ACADL: variants seen among roughly 807,000 people sequenced by gnomAD.
The protein encoded by ACADL is long-chain specific acyl-CoA dehydrogenase, mitochondrial.
ACADL carries 60 observed loss-of-function variants against 56.9 expected under a neutral mutation model. The observed-to-expected ratio is 1.05, with a 90% CI of 0.86 to 1.31. The LOEUF (loss-of-function observed/expected upper bound fraction) is 1.31. ACADL is among the 50% of genes most tolerant of loss of function. ACADL has a pLI of 0.00. For missense variants in ACADL, 484 were observed against 525.5 expected, an observed-to-expected ratio of 0.92 and a Z score of 0.77; for synonymous variants, 158 against 179.7, an observed-to-expected ratio of 0.88 and a Z score of 0.97.
intron 4 of ACADL, among the ~76,000 whole-genome samples, chr2:210,210,492 G>A (rs891083241): frequency 3.3e-5 from 5 of 152,142 alleles, no homozygotes; most frequent in Non-Finnish European, 5.9e-5. Context: ...AAATTAGCCA[G>A]GTTTTATACA....
rs1689254470 is a variant in ACADL, at chr2:210,225,268, G to GA, written c.-6dup. On this transcript the variant is annotated 5_prime_UTR_variant, in exon 1 of 11. Transcript: ENST00000233710. ...TCGGAGAAGGCGTGCGGCCATGTCC[G>GA]AAACACAGGGGCGGCGGGGCGACGG... is the stretch of plus-strand genomic sequence containing the variant. The GA allele has an allele frequency of 6.4e-7, 1 of 1,554,426 alleles. No homozygotes were observed. The highest frequency in any genetic ancestry group is 8.6e-7 in the Non-Finnish European group (1 of 1,156,070).
intron 5 of ACADL, 47 bp downstream of exon 5, chr2:210,210,149 T>C (rs369461871): frequency 3.7e-6 from 5 of 1,358,552 alleles, no homozygotes; most frequent in Admixed American, 3.4e-5. Context: ...TTGTTACCCA[T>C]GGCATGACTC....
At chr2:210,202,078 G>GTTAT (rs910100278) in intron 8 of ACADL, among the ~76,000 whole-genome samples, 50 of 151,910 alleles carry the variant, frequency 3.3e-4, no homozygotes, top group African/African-American at 1.2e-3. Flanking sequence ...TTTCTCTATT[G>GTTAT]TTATTTATTT....
intron 2 of ACADL, 145 bp from the exon 3 acceptor site, chr2:210,218,247 T>A: frequency 1.4e-6 from 1 of 720,622 alleles, no homozygotes; most frequent in Non-Finnish European, 2.3e-6. Flanking sequence ...TCTATTTGCC[T>A]CTGACTCTTT....
At chr2:210,214,170 A>AT (rs1364631137) in intron 4 of ACADL, among the ~76,000 whole-genome samples, 1 of 151,982 alleles carries the variant, frequency 6.6e-6, no homozygotes. Context: ...CAATTGCAAC[A>AT]TTTTTTTCTG....
At chr2:210,199,393 C>G (rs1688759222) in intron 8 of ACADL, among the ~76,000 whole-genome samples, 1 of 152,012 alleles carries the variant, frequency 6.6e-6, no homozygotes. Flanking sequence ...AGGGAACTAA[C>G]TTTGAAAGAA....
intron 4 of ACADL, among the ~76,000 whole-genome samples, chr2:210,212,492 G>A (rs989374528): frequency 2.0e-5 from 3 of 152,024 alleles, no homozygotes; most frequent in African/African-American, 4.8e-5. Flanking sequence ...TGTAGAAAGT[G>A]TGGCCCTCCT....
At chr2:210,203,616 C>G (rs1417163299) in intron 7 of ACADL, among the ~76,000 whole-genome samples, 172 bp from the exon 8 acceptor site, 1 of 152,144 alleles carries the variant, frequency 6.6e-6, no homozygotes, top group Non-Finnish European at 1.5e-5. Flanking sequence ...TGACATATCT[C>G]TAATCACTTT....
intron 10 of ACADL, among the ~76,000 whole-genome samples, chr2:210,190,505 C>A (rs1688614187): frequency 6.6e-6 from 1 of 152,046 alleles, no homozygotes; most frequent in African/African-American, 2.4e-5. Flanking sequence ...ATTTAGTCAT[C>A]AACTAAAATT....
At chr2:210,190,131 G>A (rs1375913283) in intron 10 of ACADL, among the ~76,000 whole-genome samples, 1 of 151,436 alleles carries the variant, frequency 6.6e-6, no homozygotes, top group Non-Finnish European at 1.5e-5. Flanking sequence ...TACCACTTTT[G>A]GACTTATTCT....
At chr2:210,195,182 C>A (rs774239622) in intron 9 of ACADL, 29 bp downstream of exon 9, 8 of 1,613,352 alleles carry the variant, frequency 5.0e-6, no homozygotes, top group Non-Finnish European at 5.1e-6. Flanking sequence ...TGAGCACACA[C>A]CGCACTCTAA....
At chr2:210,220,589 G>A in intron 2 of ACADL, 58 bp downstream of exon 2, 1 of 1,524,598 alleles carries the variant, frequency 6.6e-7, no homozygotes, top group South Asian at 1.1e-5. Flanking sequence ...GGCATTCTAG[G>A]AAATGGTCCT....
At chr2:210,214,903 T>C (rs1689059794) in intron 4 of ACADL, among the ~76,000 whole-genome samples, 1 of 152,208 alleles carries the variant, frequency 6.6e-6, no homozygotes, top group Non-Finnish European at 1.5e-5. Context: ...ACAAAATTGT[T>C]AGTATTGACC....
intron 5 of ACADL, among the ~76,000 whole-genome samples, chr2:210,209,261 A>G (rs997418281): frequency 3.9e-5 from 6 of 152,364 alleles, no homozygotes; most frequent in African/African-American, 1.2e-4. Flanking sequence ...AGAACAGTAA[A>G]TAAAATGAAC....
chr2:210,199,926 G>A (rs1688766845), intron 8 of ACADL, among the ~76,000 whole-genome samples: 1 of 151,998 alleles, frequency 6.6e-6, no homozygotes, highest in African/African-American at 2.4e-5. Flanking sequence ...TGTATTTTTT[G>A]TAGAGATGAG....
rs1202829304 is a variant in ACADL, at chr2:210,225,189, C to T, written c.75G>A (p.Ala25=). Residue 25 remains alanine (A), a splice_region_variant and synonymous_variant, in exon 1 of 11, where the codon GCG becomes GCA. Coordinates refer to ENST00000233710, the MANE Select transcript of ACADL (RefSeq NM_001608.4). The part of the protein sequence containing the change: ...GHRAPRQLPA[A]RCSHSGGEER... ...CGGAAGTCCCGGCTGGCACTCACCG[C>T]GCGGCGGGCAGCTGGCGCGGCGCAC... 2 of 1,533,104 alleles carry T rather than the reference C, an allele frequency of 1.3e-6. No homozygotes were observed. Among genetic ancestry groups the T allele is most frequent in the Non-Finnish European group, 1.7e-6 (2 of 1,145,350 alleles). The allele number at this position is 1,533,104 out of a possible 1,614,324, so 95.0% of individuals were successfully genotyped here. A position where few individuals can be genotyped will look rare whatever the true frequency, so the allele number is the denominator to read the frequency against.
rs957071308 is a variant in ACADL, at chr2:210,188,372, A to G, written c.*589T>C. 1.9e-5 allele frequency: 3 copies of G among 154,106 alleles called. No homozygotes were observed. Among genetic ancestry groups the G allele is most frequent in the African/African-American group, 7.2e-5 (3 of 41,440 alleles). 9.5% of individuals were successfully genotyped at this position (154,106 alleles called of 1,614,324 possible). Reference sequence around the variant, plus strand: ...GAGTCCTAGGGGTTTCAAGGCAGTAAGGTATGATGGCTTCCAGCTTCAATG... The same window carrying G: ...GAGTCCTAGGGGTTTCAAGGCAGTAGGGTATGATGGCTTCCAGCTTCAATG... On this transcript the variant is annotated 3_prime_UTR_variant, in exon 11 of 11. Coordinates refer to ENST00000233710, the MANE Select transcript of ACADL (RefSeq NM_001608.4).
At chr2:210,218,231 T>C in intron 2 of ACADL, 129 bp from the exon 3 acceptor site, 1 of 883,862 alleles carries the variant, frequency 1.1e-6, no homozygotes, top group Non-Finnish European at 1.8e-6. Flanking sequence ...ACATTAGCCA[T>C]ATGCTTCTAT....
Position 210,225,221 on chromosome 2 carries a change from C to G in ACADL, c.43G>C (p.Gly15Arg). Residue 15 changes from glycine (G) to arginine (R), a missense_variant, in exon 1 of 11, where the codon GGC (glycine) becomes CGC (arginine). Gly to Arg is a moderately radical substitution (Grantham distance 125). Transcript: ENST00000233710. ...LLRGSLRVLG[G>R]HRAPRQLPAA... ...GGCAGCTGGCGCGGCGCACGGTGGCCGCCCAGGACGCGTAGGGACCCTCGG... is the reference window on the plus strand; with the variant it reads ...GGCAGCTGGCGCGGCGCACGGTGGCGGCCCAGGACGCGTAGGGACCCTCGG... The G allele has an allele frequency of 1.3e-6, 2 of 1,547,594 alleles. No individual in the cohort carries two copies. The highest frequency in any genetic ancestry group is 1.7e-6 in the Non-Finnish European group (2 of 1,152,616).
Sources: gnomAD v4.1 joint callset for allele counts (sites outside exome capture counted in the v4.1 genomes callset) on GRCh38, gnomAD v4.1.1 for gene constraint, MANE v1.5 for transcripts, NCBI Gene and HGNC (gene_info 2026-07-23, HGNC 2026-07-21) for gene names.